KATNA1: variants seen among roughly 807,000 people sequenced by gnomAD.
The protein encoded by KATNA1 is katanin catalytic subunit A1, also known as katanin p60 ATPase-containing subunit A1.
Under a neutral mutation model 62.6 loss-of-function variants are expected in KATNA1, and 42 were observed. The ratio of observed to expected loss-of-function variants is 0.67; its 90% CI spans 0.52 to 0.87. KATNA1 has a LOEUF of 0.87. Among genes scored for constraint, KATNA1 ranks in the 40% least tolerant of loss-of-function variants. KATNA1 has a pLI of 0.00. For missense variants in KATNA1, 498 were observed against 612.5 expected (o/e 0.81, Z 1.97); for synonymous variants, 186 against 201.9 (o/e 0.92, Z 0.67).
chr6:149,622,844 T>A lies in KATNA1; in HGVS notation c.501+259A>T, dbSNP rs999748120. Among the ~76,000 whole-genome samples the A allele has an allele frequency of 3.5e-4, 4 of 11,426 alleles. No individual in the cohort carries two copies. The African/African-American group carries it at 4.0e-3, about 11-fold the overall frequency. The allele number at this position is 11,426 out of a possible 152,430, so 7.5% of individuals were successfully genotyped here. A position where few individuals can be genotyped will look rare whatever the true frequency, so the allele number is the denominator to read the frequency against. On this transcript the variant is annotated intron_variant, in intron 4 of 10. Coordinates refer to ENST00000367411, the MANE Select transcript of KATNA1 (RefSeq NM_007044.4). ...GGCCAACTTGCTGAAGCCCCATCTT[T>A]ACTAATAATACAAAATTAGCTCGAT...
chr6:149,622,307 G>C (rs2115121050), intron 4 of KATNA1, among the ~76,000 whole-genome samples: 1 of 152,090 alleles, frequency 6.6e-6, no homozygotes. Flanking sequence ...TTTTAGTAGA[G>C]ATGGGGTTTC....
At chr6:149,599,088 C>G (rs1778434132) in intron 7 of KATNA1, among the ~76,000 whole-genome samples, 1 of 152,006 alleles carries the variant, frequency 6.6e-6, no homozygotes, top group African/African-American at 2.4e-5. Flanking sequence ...TGGTCTCAAA[C>G]TCCTAGACTC....
chr6:149,646,607 C>A (rs978093880), intron 1 of KATNA1, among the ~76,000 whole-genome samples: 8 of 152,068 alleles, frequency 5.3e-5, no homozygotes, highest in Non-Finnish European at 1.0e-4. Context: ...CCTTTATAAC[C>A]ATCATATGAT....
intron 4 of KATNA1, among the ~76,000 whole-genome samples, chr6:149,606,641 G>A (rs1582760876): frequency 7.0e-6 from 1 of 141,958 alleles, no homozygotes; most frequent in East Asian, 2.1e-4. Flanking sequence ...TTTTTGAGAT[G>A]GAGTTTCATT....
chr6:149,627,336 C>A (rs981781985), intron 3 of KATNA1, among the ~76,000 whole-genome samples: 1 of 151,640 alleles, frequency 6.6e-6, no homozygotes, highest in Admixed American at 6.6e-5. Flanking sequence ...CAAGACCAGG[C>A]GGACAGATCA....
intron 3 of KATNA1, among the ~76,000 whole-genome samples, chr6:149,628,630 G>A (rs1779712906): frequency 6.6e-6 from 1 of 151,684 alleles, no homozygotes; most frequent in Non-Finnish European, 1.5e-5. Context: ...GATCAGCTTG[G>A]CCAACAAGGT....
chr6:149,648,745 G>GGTCGCTGGGCGGGAGCGGC (rs1053578449), upstream of KATNA1: 3 of 152,262 alleles, frequency 2.0e-5, no homozygotes, highest in African/African-American at 7.2e-5. Flanking sequence ...CCGGGAGCGA[G>GGTCGCTGGGCGGGAGCGGC]GTCGCTGGGC....
In KATNA1 at chr6:149,598,611, A is replaced by G. The variant is rs141407235; in HGVS notation, c.889-261T>C. Among the ~76,000 whole-genome samples, 9 of 152,040 alleles carry G rather than the reference A, an allele frequency of 5.9e-5. 1 individual carries two copies. In the East Asian group the frequency reaches 1.8e-3, roughly 30 times the overall value. ...GGTTACACGTGTCTGAGTCCCAGCT[A>G]CTCAGGAGGCTAGGTGAGAGGATCC... On this transcript the variant is annotated intron_variant, in intron 7 of 10. Coordinates refer to ENST00000367411, the MANE Select transcript of KATNA1 (RefSeq NM_007044.4).
chr6:149,594,970 C>A lies in KATNA1; in HGVS notation c.*66G>T. On this transcript the variant is annotated 3_prime_UTR_variant, in exon 11 of 11. Transcript: ENST00000367411. ...GTTAAAAAAAATATAGCACTCAGTA[C>A]AATGAATTACTGCATTTAATATTCA... 7.9e-7 allele frequency: 1 copy of A among 1,267,906 alleles called. No homozygotes were observed. 78.5% of individuals were successfully genotyped at this position (1,267,906 alleles called of 1,614,324 possible).
intron 3 of KATNA1, among the ~76,000 whole-genome samples, chr6:149,626,925 A>G (rs1416609051): frequency 1.3e-5 from 2 of 151,884 alleles, no homozygotes; most frequent in Non-Finnish European, 2.9e-5. Context: ...CGGAGGTTGC[A>G]GTGAGCTGAG....
rs552622116 is a variant in KATNA1 at position 149,609,781 on chromosome 6, C to T, written c.502-4999G>A. ...TCGTGCCACTGCACTTCAGCCTGGG[C>T]GACAGAGCTAGACTCCATCTCAAAA... On this transcript the variant is annotated intron_variant, in intron 4 of 10. Coordinates refer to ENST00000367411, the MANE Select transcript of KATNA1 (RefSeq NM_007044.4). 6.5e-4 allele frequency among the ~76,000 whole-genome samples: 71 copies of T among 109,700 alleles called. 1 individual carries two copies. The East Asian group carries it at 0.013, about 20-fold the overall frequency. The allele number at this position is 109,700 out of a possible 152,430, so 72.0% of individuals were successfully genotyped here.
chr6:149,597,425 T>C, intron 9 of KATNA1, 82 bp downstream of exon 9: 8 of 1,523,858 alleles, frequency 5.2e-6, no homozygotes, highest in Non-Finnish European at 7.2e-6. Flanking sequence ...TCCAGAAAGT[T>C]AGTTAATAAC....
intron 10 of KATNA1, among the ~76,000 whole-genome samples, chr6:149,596,784 A>T (rs1353847549): frequency 6.6e-6 from 1 of 152,088 alleles, no homozygotes; most frequent in Non-Finnish European, 1.5e-5. Context: ...AGGCCAGTCA[A>T]ACTCCTGGGC....
At chr6:149,597,002 A>G in intron 10 of KATNA1, 61 bp downstream of exon 10, 1 of 1,578,314 alleles carries the variant, frequency 6.3e-7, no homozygotes, top group South Asian at 1.1e-5. Context: ...AAACAAAACC[A>G]AAAAACTTCA....
chr6:149,640,925 C>T (rs1780258458), intron 1 of KATNA1, among the ~76,000 whole-genome samples: 1 of 151,918 alleles, frequency 6.6e-6, no homozygotes, highest in African/African-American at 2.4e-5. Context: ...GGCTGGAGTG[C>T]AATGGTGCAA....
intron 3 of KATNA1, among the ~76,000 whole-genome samples, chr6:149,629,333 G>A (rs1291125055): frequency 1.3e-5 from 2 of 152,128 alleles, no homozygotes. Context: ...TGATGTGAAA[G>A]AGCTTACTCA....
At chr6:149,633,647 C>A (rs1440727177) in intron 2 of KATNA1, among the ~76,000 whole-genome samples, 1 of 151,924 alleles carries the variant, frequency 6.6e-6, no homozygotes, top group African/African-American at 2.4e-5. Context: ...GCAGGGGAAT[C>A]TCTTGAGCCC....
chr6:149,609,696 G>A (rs1778870268), intron 4 of KATNA1, among the ~76,000 whole-genome samples: 1 of 151,338 alleles, frequency 6.6e-6, no homozygotes, highest in African/African-American at 2.4e-5. Context: ...CTAGCTACTC[G>A]GGAGGCTGAG....
chr6:149,604,900 C>T lies in KATNA1; in HGVS notation c.502-118G>A, dbSNP rs193094277. 1.6e-3 allele frequency: 1,455 copies of T among 916,474 alleles called. 20 individuals carry two copies. The African/African-American group carries it at 0.022, about 14-fold the overall frequency. The allele number at this position is 916,474 out of a possible 1,614,324, so 56.8% of individuals were successfully genotyped here. A position where few individuals can be genotyped will look rare whatever the true frequency, so the allele number is the denominator to read the frequency against. On this transcript the variant is annotated intron_variant, in intron 4 of 10. Transcript: ENST00000367411. ...AAAGCTAATACATCATTTGGCCAGG[C>T]GCAGTGGCTCACACCTGTAATCCCA...
Sources: gnomAD v4.1 joint callset for allele counts (sites outside exome capture counted in the v4.1 genomes callset) on GRCh38, gnomAD v4.1.1 for gene constraint, MANE v1.5 for transcripts, NCBI Gene and HGNC (gene_info 2026-07-23, HGNC 2026-07-21) for gene names.